SETX: variants seen among roughly 807,000 people sequenced by gnomAD.
SETX encodes helicase senataxin.
SETX carries 90 observed loss-of-function variants against 227.2 expected under a neutral mutation model. That is an observed-to-expected ratio of 0.40 (90% CI 0.33 to 0.47). The LOEUF (loss-of-function observed/expected upper bound fraction) is 0.47. Ranked by LOEUF, SETX falls within the 20% of genes least tolerant of loss-of-function variation. The pLI, the probability that SETX is intolerant of heterozygous loss-of-function variation, is 0.91. For synonymous variants in SETX, 1,210 were observed against 1,113.2 expected (o/e 1.09, Z -1.73); for missense variants, 3,052 against 3,181.5 (o/e 0.96, Z 0.98).
intron 1 of SETX, 149 bp from the exon 2 acceptor site, chr9:132,353,904 GA>G (rs971145797): frequency 2.0e-5 from 3 of 152,248 alleles, no homozygotes; most frequent in Non-Finnish European, 4.4e-5. Flanking sequence ...GGACTTCCAG[GA>G]AACAGCAGAA....
intron 11 of SETX, among the ~76,000 whole-genome samples, chr9:132,306,887 CTATTT>C (rs1845367582): frequency 6.6e-6 from 1 of 152,212 alleles, no homozygotes; most frequent in Non-Finnish European, 1.5e-5. Flanking sequence ...AGCTCTTTAT[CTATTT>C]TATTAGGTAT....
intron 22 of SETX, among the ~76,000 whole-genome samples, chr9:132,276,663 C>A (rs1267018514): frequency 6.6e-6 from 1 of 152,210 alleles, no homozygotes; most frequent in Non-Finnish European, 1.5e-5. Context: ...CCAATACCAT[C>A]CAACCTCTGT....
At position 132,264,293 on chromosome 9, in the gene SETX, G is replaced by C; in HGVS notation, c.7980C>G (p.Asp2660Glu). 1 of 1,614,124 alleles carries C rather than the reference G, an allele frequency of 6.2e-7. No individual in the cohort carries two copies. The highest frequency in any genetic ancestry group is 8.5e-7 in the Non-Finnish European group (1 of 1,180,028). The change falls in exon 26 of 26, where the codon GAC becomes GAG. Residue 2660 changes from aspartate (D) to glutamate (E), a missense_variant. Asp to Glu is a conservative substitution (Grantham distance 45, BLOSUM62 2). This residue lies in a region of SETX where 294 missense variants were observed against 278.8 expected (regional missense o/e 1.05). Transcript: ENST00000224140. ...THHTRRNSRW[D>E]KRTLEQEDSS... ...TGTCCTCCTGCTCCAGTGTCCTCTT[G>C]TCCCACCTAGAGTTCCTCCTGGTGT... is the stretch of plus-strand genomic sequence containing the variant.
chr9:132,307,951 A>C (rs1187130021), intron 11 of SETX, among the ~76,000 whole-genome samples: 1 of 152,174 alleles, frequency 6.6e-6, no homozygotes, highest in Non-Finnish European at 1.5e-5. Flanking sequence ...TGCTGGGATT[A>C]CAGGCCTGAG....
intron 15 of SETX, among the ~76,000 whole-genome samples, chr9:132,292,677 T>G (rs1414629312): frequency 6.8e-6 from 1 of 147,156 alleles, no homozygotes; most frequent in African/African-American, 2.5e-5. Flanking sequence ...TCACCCAGGC[T>G]GGAGTGCAGT....
At chr9:132,273,701 G>A (rs1843006616) in intron 23 of SETX, among the ~76,000 whole-genome samples, 1 of 152,012 alleles carries the variant, frequency 6.6e-6, no homozygotes. Flanking sequence ...GCCTTTGAAT[G>A]GCTTTGTTAG....
chr9:132,332,386 C>T (rs963553321), intron 7 of SETX, among the ~76,000 whole-genome samples: 22 of 152,194 alleles, frequency 1.4e-4, no homozygotes, highest in Admixed American at 1.3e-3. Context: ...CAGTCATCTA[C>T]AGTACTCTTC....
rs372894489 is a variant in SETX at position 132,297,170 on chromosome 9, GT to G, written c.5782-117del. On this transcript the variant is annotated intron_variant, in intron 13 of 25. Coordinates refer to ENST00000224140, the MANE Select transcript of SETX (RefSeq NM_015046.7). ...TTCAATGCATGAGACAAAAGCTTTG[GT>G]TATGGTCAGACAAGACAAGGACACC... 3.2e-5 allele frequency: 27 copies of G among 854,828 alleles called. 1 individual carries two copies. The Middle Eastern group carries it at 1.0e-3, about 33-fold the overall frequency. 53.0% of individuals were successfully genotyped at this position (854,828 alleles called of 1,614,324 possible). A position where few individuals can be genotyped will look rare whatever the true frequency, so the allele number is the denominator to read the frequency against.
intron 17 of SETX, among the ~76,000 whole-genome samples, chr9:132,287,894 C>T (rs1472125735): frequency 6.6e-6 from 1 of 152,128 alleles, no homozygotes; most frequent in African/African-American, 2.4e-5. Flanking sequence ...ATTAATTAGG[C>T]TGGTCGCAAT....
Position 132,329,194 on chromosome 9 carries a change from T to C in SETX, c.2404A>G (p.Ser802Gly), listed in dbSNP as rs1400027699. ...TTGATAGTATTATCGACCAAAGTACTCTTCCTGTGTTGCTTCTTTATTACA... is the reference window on the plus strand; with the variant it reads ...TTGATAGTATTATCGACCAAAGTACCCTTCCTGTGTTGCTTCTTTATTACA... ...SHVIKKQHRK[S>G]TLVDNTINLD... is the part of the protein sequence containing the mutation. Residue 802 changes from serine (S) to glycine (G), a missense_variant, in exon 10 of 26, where the codon AGT (serine) becomes GGT (glycine). Coordinates refer to ENST00000224140, the MANE Select transcript of SETX (RefSeq NM_015046.7). 19 of 1,613,670 alleles carry C rather than the reference T, an allele frequency of 1.2e-5. No homozygotes were observed. Among genetic ancestry groups the C allele is most frequent in the Non-Finnish European group, 1.5e-5 (18 of 1,179,912 alleles).
upstream of SETX, among the ~76,000 whole-genome samples, chr9:132,355,259 G>T (rs1039217566): frequency 2.0e-5 from 3 of 152,124 alleles, no homozygotes; most frequent in African/African-American, 7.2e-5. Flanking sequence ...CCCGCCCGGG[G>T]CTTCCTGCGG....
chr9:132,264,822 G>A lies in SETX; in HGVS notation c.7451C>T (p.Ser2484Phe). ...GCTGGGCAAACCACCCTGGGGTCTG[G>A]ACCCCTCTGGGGCTATGGTAGGAGG... ...THPPTIAPEGSRPQGGLPSSK... is the reference protein window; with the variant it reads ...THPPTIAPEGFRPQGGLPSSK... Residue 2484 changes from serine (S) to phenylalanine (F), a missense_variant, in exon 26 of 26, where the codon TCC (serine) becomes TTC (phenylalanine). Transcript: ENST00000224140. 1 of 1,614,220 alleles carries A rather than the reference G, an allele frequency of 6.2e-7. No individual in the cohort carries two copies.
intron 15 of SETX, among the ~76,000 whole-genome samples, chr9:132,289,323 G>A (rs912049581): frequency 6.6e-6 from 1 of 152,198 alleles, no homozygotes; most frequent in Admixed American, 6.5e-5. Flanking sequence ...TACTGCTTCA[G>A]CACAAAGAAA....
In SETX at chr9:132,278,052, A is replaced by C. The variant is rs1843266343; in HGVS notation, c.6842+18T>G. ...AAACTACAACAAAATAAGGTCACAA[A>C]CAATAAGGGGAACTCACCTATTTGT... On this transcript the variant is annotated intron_variant, in intron 21 of 25. Transcript: ENST00000224140. 6.2e-7 allele frequency: 1 copy of C among 1,608,578 alleles called. No homozygotes were observed. Among genetic ancestry groups the C allele is most frequent in the African/African-American group, 1.3e-5 (1 of 74,810 alleles).
intron 2 of SETX, 119 bp from the exon 3 acceptor site, chr9:132,349,554 C>G: frequency 1.0e-6 from 1 of 962,424 alleles, no homozygotes; most frequent in Non-Finnish European, 1.6e-6. Flanking sequence ...CACTAAAACC[C>G]AAATCTTCTG....
Position 132,329,199 on chromosome 9 carries a change from C to A in SETX, c.2399G>T (p.Arg800Met), listed in dbSNP as rs761725498. ...KLSHVIKKQHRKSTLVDNTIN... is the reference protein window; with the variant it reads ...KLSHVIKKQHMKSTLVDNTIN... ...AGTATTATCGACCAAAGTACTCTTCCTGTGTTGCTTCTTTATTACATGTGA... is the reference window on the plus strand; with the variant it reads ...AGTATTATCGACCAAAGTACTCTTCATGTGTTGCTTCTTTATTACATGTGA... The change falls in exon 10 of 26, where the codon AGG becomes ATG. Residue 800 changes from arginine to methionine, a missense_variant. Physicochemically the swap from Arg to Met is moderately conservative, Grantham distance 91. Around this residue, in one of 10 missense-constraint regions of SETX, gnomAD observed 1,483 missense variants for 1,312.0 expected, o/e 1.13. Transcript: ENST00000224140. 56 of 1,613,544 alleles carry A rather than the reference C, an allele frequency of 3.5e-5. No homozygotes were observed. Among genetic ancestry groups the A allele is most frequent in the Non-Finnish European group, 4.6e-5 (54 of 1,179,908 alleles).
intron 7 of SETX, among the ~76,000 whole-genome samples, chr9:132,334,314 G>A (rs1015221206): frequency 3.3e-5 from 5 of 152,160 alleles, no homozygotes; most frequent in African/African-American, 1.2e-4. Context: ...TGGGCGTGGT[G>A]GTGCACGCCT....
chr9:132,281,502 C>T lies in SETX; in HGVS notation c.6619G>A (p.Asp2207Asn). The change falls in exon 20 of 26, where the codon GAT (aspartate) becomes AAT (asparagine). Residue 2207 changes from aspartate (D) to asparagine (N), a missense_variant. Transcript: ENST00000224140. ...ACTGTCGGAGGGAGCTGCTTAGGAT[C>T]TCCTACTAGGATGAGCTTATTGCAG... Reference protein sequence around the residue: ...HRCNKLILVGDPKQLPPTVIS... With the variant: ...HRCNKLILVGNPKQLPPTVIS... The T allele has an allele frequency of 6.2e-7, 1 of 1,613,924 alleles. No homozygotes were observed. The highest frequency in any genetic ancestry group is 8.5e-7 in the Non-Finnish European group (1 of 1,179,862).
Position 132,277,815 on chromosome 9 carries a change from ACTG to A in SETX, c.6842+252_6842+254del, listed in dbSNP as rs10615907. Reference sequence around the variant, plus strand: ...AAAAAAAAAAAAAAAAAAAAAAAGGACTGCTGAAAGTGGATATACCAAAATGTT... The same window carrying A: ...AAAAAAAAAAAAAAAAAAAAAAAGGACTGAAAGTGGATATACCAAAATGTT... On this transcript the variant is annotated intron_variant, in intron 21 of 25. Coordinates refer to ENST00000224140, the MANE Select transcript of SETX (RefSeq NM_015046.7). 0.43 allele frequency among the ~76,000 whole-genome samples: 61,198 copies of A among 141,692 alleles called. 16,262 individuals are homozygous for A. The highest frequency in any genetic ancestry group is 0.74 in the African/African-American group (27,849 of 37,628). The allele number at this position is 141,692 out of a possible 152,430, so 93.0% of individuals were successfully genotyped here. A position where few individuals can be genotyped will look rare whatever the true frequency, so the allele number is the denominator to read the frequency against.
Sources: allele counts gnomAD v4.1 joint callset (sites outside exome capture counted in the v4.1 genomes callset), GRCh38; gene constraint gnomAD v4.1.1; regional missense constraint gnomAD v4.1.1; transcripts MANE v1.5; gene names NCBI Gene and HGNC (gene_info 2026-07-23, HGNC 2026-07-21).